Variants in LRRC4C observed in about 807,000 individuals in gnomAD.
LRRC4C encodes the protein leucine rich repeat containing 4C.
LRRC4C carries 5 observed loss-of-function variants against 33.6 expected under a neutral mutation model. The ratio of observed to expected loss-of-function variants is 0.15; its 90% CI spans 0.08 to 0.31. The LOEUF is 0.31. LRRC4C is among the 10% of genes least tolerant of loss of function. The probability of loss-of-function intolerance (pLI) is 1.00; values close to 1 mark genes in which losing one functional copy is unlikely to be tolerated. For synonymous variants in LRRC4C, 329 were observed against 302.0 expected (o/e 1.09, Z -0.93); for missense variants, 560 against 796.7 (o/e 0.70, Z 3.58).
chr11:41,116,355 C>T (rs1942123688), intron 1 of LRRC4C, among the ~76,000 whole-genome samples: 1 of 152,058 alleles, frequency 6.6e-6, no homozygotes, highest in African/African-American at 2.4e-5. Context: ...TAGCATTTAA[C>T]AAAGCCCAAT....
At chr11:40,989,673 T>TG (rs1853361917) in intron 1 of LRRC4C, among the ~76,000 whole-genome samples, 1 of 152,142 alleles carries the variant, frequency 6.6e-6, no homozygotes. Context: ...GTTGATTTTG[T>TG]GGGTGGGGGA....
chr11:41,041,026 CATTAAAAGGA>C (rs1242711302), intron 1 of LRRC4C, among the ~76,000 whole-genome samples: 1 of 152,074 alleles, frequency 6.6e-6, no homozygotes, highest in African/African-American at 2.4e-5. Context: ...AAAAGATTGC[CATTAAAAGGA>C]ATTTGTTTTA....
chr11:40,756,240 A>G lies in LRRC4C; in HGVS notation c.-406-107962T>C, dbSNP rs146616056. Among the ~76,000 whole-genome samples the G allele has an allele frequency of 7.1e-3, 1,075 of 152,142 alleles. 19 individuals carry two copies. The highest frequency in any genetic ancestry group is 0.025 in the African/African-American group (1,041 of 41,522). ...AAATTTTTGATTATTTAAGCCATTT[A>G]GTCTATGGTCTTTTGTTGTGGCAGC... On this transcript the variant is annotated intron_variant, in intron 2 of 6. Transcript: ENST00000528697.
At chr11:40,928,077 C>A (rs910403079) in intron 2 of LRRC4C, among the ~76,000 whole-genome samples, 2 of 151,650 alleles carry the variant, frequency 1.3e-5, no homozygotes, top group African/African-American at 4.8e-5. Flanking sequence ...TTTTAAAAAA[C>A]CCTATAACTC....
At chr11:41,111,054 G>T (rs898599119) in intron 1 of LRRC4C, among the ~76,000 whole-genome samples, 1 of 151,958 alleles carries the variant, frequency 6.6e-6, no homozygotes, top group Non-Finnish European at 1.5e-5. Context: ...ACTGTGCTGG[G>T]CATTATACTC....
intron 1 of LRRC4C, among the ~76,000 whole-genome samples, chr11:41,435,049 A>G (rs1487328215): frequency 6.6e-6 from 1 of 152,156 alleles, no homozygotes; most frequent in Non-Finnish European, 1.5e-5. Flanking sequence ...TTGTCAGGGA[A>G]GCAACCAACA....
intron 2 of LRRC4C, among the ~76,000 whole-genome samples, chr11:40,793,047 T>A (rs1316223768): frequency 6.6e-6 from 1 of 152,006 alleles, no homozygotes; most frequent in African/African-American, 2.4e-5. Flanking sequence ...AATGATGAGT[T>A]AATGGGTGCA....
chr11:40,716,801 G>A (rs1401895698), intron 2 of LRRC4C, among the ~76,000 whole-genome samples: 1 of 152,202 alleles, frequency 6.6e-6, no homozygotes, highest in African/African-American at 2.4e-5. Flanking sequence ...TATGGACCTA[G>A]AAAGCCAAAA....
intron 2 of LRRC4C, among the ~76,000 whole-genome samples, chr11:40,680,289 C>T (rs181410942): frequency 9.4e-4 from 143 of 152,294 alleles, no homozygotes; most frequent in African/African-American, 3.3e-3. Flanking sequence ...AGGTATTCAC[C>T]TTGTCTTGGA....
chr11:41,399,367 A>G (rs1220051600), intron 1 of LRRC4C, among the ~76,000 whole-genome samples: 1 of 151,984 alleles, frequency 6.6e-6, no homozygotes, highest in Admixed American at 6.6e-5. Flanking sequence ...TGAGGAAAGA[A>G]GGTTTGCAAG....
At chr11:40,633,179 G>A (rs543516006) in intron 3 of LRRC4C, among the ~76,000 whole-genome samples, 72 of 152,130 alleles carry the variant, frequency 4.7e-4, no homozygotes, top group Non-Finnish European at 7.5e-4. Context: ...AGTTCAAAGA[G>A]AGAAGTCATC....
chr11:40,777,463 A>C (rs1215930246), intron 2 of LRRC4C, among the ~76,000 whole-genome samples: 1 of 143,900 alleles, frequency 6.9e-6, no homozygotes, highest in Non-Finnish European at 1.5e-5. Context: ...TAAAACATTT[A>C]TCATTATATA....
intron 1 of LRRC4C, among the ~76,000 whole-genome samples, chr11:41,237,157 G>A (rs1479075297): frequency 6.6e-6 from 1 of 152,134 alleles, no homozygotes; most frequent in Non-Finnish European, 1.5e-5. Flanking sequence ...ACAAGAAATA[G>A]AATCAAAGAG....
At chr11:40,953,182 A>G (rs924536618) in intron 1 of LRRC4C, among the ~76,000 whole-genome samples, 2 of 151,960 alleles carry the variant, frequency 1.3e-5, no homozygotes, top group African/African-American at 4.8e-5. Context: ...CTATCCCGAG[A>G]GGGACCCTAT....
rs368223601 is a variant in LRRC4C, at chr11:40,298,500, A to G, written c.-176+21128T>C. On this transcript the variant is annotated intron_variant, in intron 4 of 6. Coordinates refer to ENST00000528697, the MANE Select transcript of LRRC4C (RefSeq NM_001258419.2). ...AAGCATATTTCTTGGCAATGGCAGA[A>G]ATCCAATAGAGCAAGCAGAAGATCA... is the stretch of plus-strand genomic sequence containing the variant. 5.3e-5 allele frequency among the ~76,000 whole-genome samples: 8 copies of G among 150,922 alleles called. No homozygotes were observed. The East Asian group carries it at 1.4e-3, about 26-fold the overall frequency.
At chr11:41,164,145 T>C (rs1944609384) in intron 1 of LRRC4C, among the ~76,000 whole-genome samples, 1 of 151,914 alleles carries the variant, frequency 6.6e-6, no homozygotes. Flanking sequence ...CAAAGAATAT[T>C]TTATTTAAAT....
intron 1 of LRRC4C, among the ~76,000 whole-genome samples, chr11:41,061,971 C>T (rs1937807080): frequency 1.3e-5 from 2 of 152,184 alleles, no homozygotes; most frequent in Admixed American, 1.3e-4. Context: ...TGGCTGCTTC[C>T]ATTTGAATTG....
In LRRC4C at chr11:40,600,289, C is replaced by T. The variant is rs149980586; in HGVS notation, c.-270+47853G>A. Among the ~76,000 whole-genome samples the T allele has an allele frequency of 1.1e-4, 17 of 152,234 alleles. No individual in the cohort carries two copies. In the East Asian group the frequency reaches 2.7e-3, roughly 24 times the overall value. On this transcript the variant is annotated intron_variant, in intron 3 of 6. Coordinates refer to ENST00000528697, the MANE Select transcript of LRRC4C (RefSeq NM_001258419.2). Reference sequence around the variant, plus strand: ...GTCTTGCTTGATTGTCACAAAACCTCGGTGTGTAGGTATTGTTTTTTCTCC... The same window carrying T: ...GTCTTGCTTGATTGTCACAAAACCTTGGTGTGTAGGTATTGTTTTTTCTCC...
intron 2 of LRRC4C, among the ~76,000 whole-genome samples, chr11:40,901,357 A>G (rs1169035040): frequency 1.3e-5 from 2 of 152,070 alleles, no homozygotes; most frequent in Non-Finnish European, 2.9e-5. Context: ...TACCAGGGCC[A>G]TGTAGCCTGC....
Sources: allele counts gnomAD v4.1 joint callset (sites outside exome capture counted in the v4.1 genomes callset), GRCh38; gene constraint gnomAD v4.1.1; transcripts MANE v1.5; gene names NCBI Gene and HGNC (gene_info 2026-07-23, HGNC 2026-07-21).